MUC22: variants seen among roughly 807,000 people sequenced by gnomAD.
The protein encoded by MUC22 is mucin 22.
Under a neutral mutation model 40.3 loss-of-function variants are expected in MUC22, and 24 were observed. That is an observed-to-expected ratio of 0.60 (90% CI 0.43 to 0.84). The LOEUF (loss-of-function observed/expected upper bound fraction) is 0.84, where lower values mean the gene tolerates loss of function less well. MUC22 is among the 40% of genes least tolerant of loss of function. The pLI, the probability that MUC22 is intolerant of heterozygous loss-of-function variation, is 0.00. For missense variants in MUC22, 1,926 were observed against 2,130.7 expected (o/e 0.90, Z 1.89); for synonymous variants, 765 against 844.5 (o/e 0.91, Z 1.63).
upstream of MUC22, among the ~76,000 whole-genome samples, chr6:31,006,632 T>C (rs1763539655): frequency 6.6e-6 from 1 of 152,180 alleles, no homozygotes; most frequent in Non-Finnish European, 1.5e-5. Flanking sequence ...TTAATTTTGC[T>C]GTGAACCCAA....
At chr6:31,008,498 A>T (rs549760569), upstream of MUC22, among the ~76,000 whole-genome samples, 3 of 152,148 alleles carry the variant, frequency 2.0e-5, no homozygotes, top group African/African-American at 7.2e-5. Context: ...ATTAAATTTC[A>T]TATGGCCAAG....
At chr6:31,014,023 A>C (rs1764027391) in intron 1 of MUC22, among the ~76,000 whole-genome samples, 1 of 152,130 alleles carries the variant, frequency 6.6e-6, no homozygotes, top group African/African-American at 2.4e-5. Flanking sequence ...TTTGGTGTTA[A>C]ACTAGCATTT....
intron 1 of MUC22, among the ~76,000 whole-genome samples, chr6:31,017,176 G>A (rs1376193486): frequency 6.6e-6 from 1 of 152,242 alleles, no homozygotes; most frequent in African/African-American, 2.4e-5. Flanking sequence ...CAAGGGCTGA[G>A]GAGTACTGGC....
At chr6:31,025,168 C>T (rs1028544956) in intron 1 of MUC22, among the ~76,000 whole-genome samples, 2 of 152,174 alleles carry the variant, frequency 1.3e-5, no homozygotes, top group Non-Finnish European at 2.9e-5. Context: ...CCTTCTTATC[C>T]TTCAGATCTC....
In MUC22 at chr6:31,032,679, G is replaced by C. The variant is rs1366097531; in HGVS notation, c.5055+98G>C. Reference sequence around the variant, plus strand: ...GAAAAATCCAGAATGAGAAAGGGGAGTAAGTTGGTGCGCTCAGAAGGAAAG... The same window carrying C: ...GAAAAATCCAGAATGAGAAAGGGGACTAAGTTGGTGCGCTCAGAAGGAAAG... On this transcript the variant is annotated intron_variant, in intron 3 of 3. Coordinates refer to ENST00000561890, the Ensembl canonical transcript of MUC22. The surrounding 1 kb of genome is among the most constrained non-coding windows in gnomAD (Gnocchi z 4.1). 1 of 1,283,040 alleles carries C rather than the reference G, an allele frequency of 7.8e-7. No individual in the cohort carries two copies. Among genetic ancestry groups the C allele is most frequent in the South Asian group, 1.5e-5 (1 of 66,862 alleles). The allele number at this position is 1,283,040 out of a possible 1,614,324, so 79.5% of individuals were successfully genotyped here.
At chr6:31,029,807 C>T (rs899355991) in exon 2 of MUC22, 2 of 1,474,854 alleles carry the variant, frequency 1.4e-6, no homozygotes, top group Non-Finnish European at 1.8e-6. Flanking sequence ...ACCACAGCCT[C>T]CACTTCAGGC....
At chr6:31,023,463 T>A (rs1765034628) in intron 1 of MUC22, among the ~76,000 whole-genome samples, 1 of 152,134 alleles carries the variant, frequency 6.6e-6, no homozygotes, top group Non-Finnish European at 1.5e-5. Context: ...GAGGATTTCT[T>A]GAGCTTAGAA....
intron 1 of MUC22, among the ~76,000 whole-genome samples, chr6:31,022,418 A>G (rs1764907744): frequency 6.6e-6 from 1 of 152,090 alleles, no homozygotes; most frequent in South Asian, 2.1e-4. Flanking sequence ...CTGCTTCCCA[A>G]AATGCTGGGA....
chr6:31,030,101 G>A lies in MUC22; in HGVS notation c.4669+1G>A. 2 of 1,513,924 alleles carry A rather than the reference G, an allele frequency of 1.3e-6. No individual in the cohort carries two copies. The highest frequency in any genetic ancestry group is 1.2e-5 in the South Asian group (1 of 80,590). The allele number at this position is 1,513,924 out of a possible 1,614,324, so 93.8% of individuals were successfully genotyped here. A position where few individuals can be genotyped will look rare whatever the true frequency, so the allele number is the denominator to read the frequency against. ...CCCATCACCAACACACCTATGTCAGGTACTAACCCCCATGTCTTCTTTGAG... is the reference window on the plus strand; with the variant it reads ...CCCATCACCAACACACCTATGTCAGATACTAACCCCCATGTCTTCTTTGAG... On this transcript the variant is annotated splice_donor_variant, in intron 2 of 3. Coordinates refer to ENST00000561890, the Ensembl canonical transcript of MUC22. LOFTEE classifies it high-confidence loss of function.
chr6:31,006,230 A>G (rs1180086928), upstream of MUC22: 1 of 284,686 alleles, frequency 3.5e-6, no homozygotes. Context: ...GGGGGCTATA[A>G]ATTGAACACA....
chr6:31,026,301 C>G, exon 2 of MUC22: 1 of 1,509,526 alleles, frequency 6.6e-7, no homozygotes, highest in Non-Finnish European at 8.9e-7. Context: ...CCACCACAGC[C>G]TCTACAGCAG....
At chr6:31,028,533 C>T in exon 2 of MUC22, 3 of 1,532,992 alleles carry the variant, frequency 2.0e-6, no homozygotes, top group Non-Finnish European at 2.6e-6. Flanking sequence ...GCTCTGAGAC[C>T]ACTATGGCCT....
Position 31,032,567 on chromosome 6 carries a change from C to T in MUC22, c.5041C>T (p.Leu1681=), listed in dbSNP as rs1324157637. 1 of 1,534,290 alleles carries T rather than the reference C, an allele frequency of 6.5e-7. No homozygotes were observed. Among genetic ancestry groups the T allele is most frequent in the African/African-American group, 1.4e-5 (1 of 73,026 alleles). Reference sequence around the variant, plus strand: ...GGCTGCTGTTGGATTGTCAGTAGGACTGAGTTTTTGTCTGGTGAGTACCCA... The same window carrying T: ...GGCTGCTGTTGGATTGTCAGTAGGATTGAGTTTTTGTCTGGTGAGTACCCA... Residue 1681 remains leucine (L), a synonymous_variant, in exon 3 of 4, where the codon CTG becomes TTG. Transcript: ENST00000561890. The surrounding 1 kb of genome is among the most constrained non-coding windows in gnomAD (Gnocchi z 4.1).
At chr6:31,018,263 T>C (rs17189980) in intron 1 of MUC22, among the ~76,000 whole-genome samples, 4,651 of 152,330 alleles carry the variant, frequency 0.031, 85 homozygotes, top group Middle Eastern at 0.037. Context: ...ATCCAAGTGC[T>C]TGAGTGGAAG....
chr6:31,013,375 C>A (rs1051997827), intron 1 of MUC22, among the ~76,000 whole-genome samples: 11 of 151,900 alleles, frequency 7.2e-5, no homozygotes, highest in African/African-American at 2.4e-4. Context: ...AATCTACCCA[C>A]CTTGGCCTCC....
At chr6:31,027,560 C>A in exon 2 of MUC22, 1 of 1,527,866 alleles carries the variant, frequency 6.5e-7, no homozygotes, top group Non-Finnish European at 8.7e-7. Flanking sequence ...ACAGCTTCTA[C>A]TGAAGGTTCT....
At chr6:31,014,918 G>A (rs894570179) in intron 1 of MUC22, among the ~76,000 whole-genome samples, 2 of 152,172 alleles carry the variant, frequency 1.3e-5, no homozygotes, top group Non-Finnish European at 2.9e-5. Flanking sequence ...GCATGGCACT[G>A]CCATGCGGGA....
chr6:31,009,453 C>T (rs1457887000), upstream of MUC22, among the ~76,000 whole-genome samples: 1 of 152,202 alleles, frequency 6.6e-6, no homozygotes, highest in Non-Finnish European at 1.5e-5. Flanking sequence ...CAGAAGCCTC[C>T]CCTGCCTCCT....
Position 31,026,482 on chromosome 6 carries a change from A to T in MUC22, c.1051A>T (p.Thr351Ser), listed in dbSNP as rs371288197. The T allele has an allele frequency of 4.1e-3, 6,178 of 1,505,142 alleles. 816 individuals carry two copies. The South Asian group carries it at 0.06, about 15-fold the overall frequency. 93.2% of individuals were successfully genotyped at this position (1,505,142 alleles called of 1,614,324 possible). A position where few individuals can be genotyped will look rare whatever the true frequency, so the allele number is the denominator to read the frequency against. The stretch of plus-strand genomic sequence containing the variant: ...GGCAGGCTCTGAGACCACCGTCTCC[A>T]CTGCAGGCTCTGAGACCACTACAGT... The change falls in exon 2 of 4, where the codon ACT (threonine) becomes TCT (serine). Residue 351 changes from threonine to serine, a missense_variant. Thr to Ser is a moderately conservative substitution (Grantham distance 58). Transcript: ENST00000561890.
Sources: gnomAD v4.1 joint callset for allele counts (sites outside exome capture counted in the v4.1 genomes callset) on GRCh38, gnomAD v4.1.1 for gene constraint, Gnocchi (gnomAD v3.1) non-coding constraint, MANE v1.5 for transcripts, NCBI Gene and HGNC (gene_info 2026-07-23, HGNC 2026-07-21) for gene names.